Variants in AOPEP observed in about 807,000 individuals in gnomAD.
The protein encoded by AOPEP is aminopeptidase O.
AOPEP carries 77 observed loss-of-function variants against 98.1 expected under a neutral mutation model. That is an observed-to-expected ratio of 0.78 (90% CI 0.65 to 0.95). The LOEUF is 0.95. AOPEP is among the 40% of genes least tolerant of loss of function. The pLI is 0.00. For synonymous variants in AOPEP, 346 were observed against 365.3 expected (o/e 0.95, Z 0.60); for missense variants, 1,024 against 1,024.7 (o/e 1.00, Z 0.01).
At chr9:94,969,919 A>G (rs1351865377) in intron 10 of AOPEP, among the ~76,000 whole-genome samples, 1 of 152,176 alleles carries the variant, frequency 6.6e-6, no homozygotes, top group Non-Finnish European at 1.5e-5. Flanking sequence ...AGTAACCTCC[A>G]TGTTGATGAG....
chr9:94,752,347 T>C, intron 1 of AOPEP, among the ~76,000 whole-genome samples: 1 of 140,922 alleles, frequency 7.1e-6, no homozygotes, highest in Non-Finnish European at 1.5e-5. Flanking sequence ...GACACACAAG[T>C]CTCTCTCTCT....
At chr9:95,110,180 C>G in the AOPEP span, 1 of 909,720 alleles carries the variant, frequency 1.1e-6, no homozygotes, top group South Asian at 5.1e-5. Flanking sequence ...TAAAAAAGGA[C>G]CAAGTTAGCT....
chr9:95,117,015 G>C, the AOPEP span, among the ~76,000 whole-genome samples: 1 of 152,230 alleles, frequency 6.6e-6, no homozygotes. Context: ...CTGGCATCTG[G>C]TGGATCTGGT....
At chr9:94,900,012 G>C (rs903585192) in intron 5 of AOPEP, among the ~76,000 whole-genome samples, 1 of 152,164 alleles carries the variant, frequency 6.6e-6, no homozygotes, top group South Asian at 2.1e-4. Flanking sequence ...ATGAGTCTGT[G>C]AGTCATAGTT....
chr9:94,806,906 A>G (rs1849376315), intron 5 of AOPEP, among the ~76,000 whole-genome samples: 1 of 152,256 alleles, frequency 6.6e-6, no homozygotes, highest in Non-Finnish European at 1.5e-5. Flanking sequence ...ACTTAGAAGC[A>G]GGAAGTCAGG....
At chr9:95,037,984 G>T (rs763628397) in intron 13 of AOPEP, among the ~76,000 whole-genome samples, 2 of 152,076 alleles carry the variant, frequency 1.3e-5, no homozygotes, top group African/African-American at 4.8e-5. Context: ...AAAGGTGCTC[G>T]GTGTGGGAAA....
In AOPEP at chr9:94,930,725, G is replaced by C. The variant is rs775137700; in HGVS notation, c.1661+2194G>C. Among the ~76,000 whole-genome samples the C allele has an allele frequency of 3.9e-5, 6 of 152,156 alleles. No homozygotes were observed. Among genetic ancestry groups the C allele is most frequent in the Non-Finnish European group, 8.8e-5 (6 of 68,034 alleles). ...CTGGGGGATGAAGAGGGGCGAAAGA[G>C]AGAGAAGTGGGACTACATGGGTGAT... On this transcript the variant is annotated intron_variant, in intron 7 of 16. Coordinates refer to ENST00000375315, the MANE Select transcript of AOPEP (RefSeq NM_001193329.3). The surrounding 1 kb of genome is among the most constrained non-coding windows in gnomAD (Gnocchi z 4.5).
At chr9:94,968,818 C>T (rs2059362109) in intron 10 of AOPEP, among the ~76,000 whole-genome samples, 1 of 152,022 alleles carries the variant, frequency 6.6e-6, no homozygotes. Flanking sequence ...GTGTATCAGG[C>T]ACTGGATCCA....
chr9:94,851,607 T>G (rs1035631990), intron 5 of AOPEP, among the ~76,000 whole-genome samples: 4 of 151,622 alleles, frequency 2.6e-5, no homozygotes, highest in African/African-American at 9.7e-5. Context: ...TGTTTAATCT[T>G]TCTGTTGGCA....
chr9:95,110,493 C>T, the AOPEP span: 8 of 1,030,874 alleles, frequency 7.8e-6, no homozygotes, highest in East Asian at 4.3e-4. Context: ...CAGCAATCCT[C>T]AAATACATAC....
At chr9:94,947,866 G>C (rs2057797009) in intron 7 of AOPEP, among the ~76,000 whole-genome samples, 1 of 152,134 alleles carries the variant, frequency 6.6e-6, no homozygotes. Context: ...CCAGAGCCCA[G>C]CTCCTAACTG....
the AOPEP span, chr9:95,107,175 G>T: frequency 5.0e-6 from 8 of 1,614,222 alleles, no homozygotes; most frequent in Non-Finnish European, 5.9e-6. Context: ...GTCTGTGTCT[G>T]TGCCCTGTCC....
At chr9:95,050,816 CTG>C (rs1386249069) in intron 13 of AOPEP, among the ~76,000 whole-genome samples, 1 of 152,194 alleles carries the variant, frequency 6.6e-6, no homozygotes, top group Non-Finnish European at 1.5e-5. Flanking sequence ...GTTGTCTTGA[CTG>C]TGTGTCTATG....
chr9:94,880,146 G>A (rs186638428), intron 5 of AOPEP, among the ~76,000 whole-genome samples: 7 of 152,172 alleles, frequency 4.6e-5, no homozygotes, highest in Admixed American at 2.0e-4. Flanking sequence ...CATGCACATC[G>A]GCTAGGGCAT....
intron 5 of AOPEP, among the ~76,000 whole-genome samples, chr9:94,817,450 G>A (rs944772765): frequency 6.6e-6 from 1 of 152,182 alleles, no homozygotes; most frequent in Non-Finnish European, 1.5e-5. Flanking sequence ...GCTTACAATT[G>A]GCCAGCTCCA....
At chr9:94,735,442 G>T (rs906446280) in intron 1 of AOPEP, among the ~76,000 whole-genome samples, 2 of 152,070 alleles carry the variant, frequency 1.3e-5, no homozygotes, top group Admixed American at 6.6e-5. Flanking sequence ...GGATGGTCTC[G>T]ATCTCCCGAC....
the AOPEP span, chr9:95,101,122 C>T: frequency 1.7e-5 from 4 of 240,538 alleles, no homozygotes; most frequent in African/African-American, 8.9e-5. Context: ...AAGAGTGTGC[C>T]GGAGGCCCGG....
At chr9:95,111,548 G>A in the AOPEP span, 3 of 1,614,178 alleles carry the variant, frequency 1.9e-6, no homozygotes, top group East Asian at 6.7e-5. Context: ...GGGTTCGGCT[G>A]CCGACATCAG....
intron 14 of AOPEP, among the ~76,000 whole-genome samples, chr9:95,077,341 C>A (rs2069177539): frequency 6.6e-6 from 1 of 152,218 alleles, no homozygotes; most frequent in Admixed American, 6.5e-5. Flanking sequence ...GAAAAGCAAA[C>A]TCCTTCCTAA....
Sources: gnomAD v4.1 joint callset for allele counts (sites outside exome capture counted in the v4.1 genomes callset) on GRCh38, gnomAD v4.1.1 for gene constraint, Gnocchi (gnomAD v3.1) non-coding constraint, MANE v1.5 for transcripts, NCBI Gene and HGNC (gene_info 2026-07-23, HGNC 2026-07-21) for gene names.